CDH2: variants seen among roughly 807,000 people sequenced by gnomAD.
CDH2 encodes the protein cadherin 2.
A neutral mutation model predicts 92.0 loss-of-function variants in CDH2; 17 were observed. The observed-to-expected ratio is 0.18, with a 90% CI of 0.13 to 0.28. The LOEUF is 0.28. CDH2 is among the 10% of genes least tolerant of loss of function. The pLI, the probability that CDH2 is intolerant of heterozygous loss-of-function variation, is 1.00. For missense variants in CDH2, 862 were observed against 1,133.1 expected, an observed-to-expected ratio of 0.76 and a Z score of 3.44; for synonymous variants, 419 against 415.9, an observed-to-expected ratio of 1.01 and a Z score of -0.09.
intron 2 of CDH2, among the ~76,000 whole-genome samples, chr18:28,085,129 G>A (rs1417103391): frequency 6.6e-6 from 1 of 152,104 alleles, no homozygotes. Flanking sequence ...TTCCTCTAGA[G>A]AGACAGATTA....
chr18:28,081,667 A>G (rs894836147), intron 2 of CDH2, among the ~76,000 whole-genome samples: 14 of 152,232 alleles, frequency 9.2e-5, no homozygotes, highest in African/African-American at 3.1e-4. Context: ...TGGATAAAAT[A>G]CCATCTGGCT....
chr18:28,125,618 G>A (rs999117297), intron 2 of CDH2, among the ~76,000 whole-genome samples: 1 of 151,974 alleles, frequency 6.6e-6, no homozygotes, highest in Non-Finnish European at 1.5e-5. Context: ...GCTTCATTTT[G>A]AAAAAATTGG....
intron 7 of CDH2, among the ~76,000 whole-genome samples, chr18:27,994,263 A>G (rs1421750956): frequency 2.0e-5 from 3 of 152,230 alleles, no homozygotes; most frequent in South Asian, 4.1e-4. Context: ...AACAGGGCAT[A>G]TATTTGATAA....
chr18:27,968,842 A>T (rs758790491), intron 14 of CDH2, among the ~76,000 whole-genome samples: 9 of 152,238 alleles, frequency 5.9e-5, no homozygotes, highest in Non-Finnish European at 1.0e-4. Flanking sequence ...GAAGGAAAAA[A>T]AATATCTGGA....
intron 2 of CDH2, among the ~76,000 whole-genome samples, chr18:28,037,272 T>C (rs1324804614): frequency 6.6e-6 from 1 of 152,194 alleles, no homozygotes; most frequent in African/African-American, 2.4e-5. Flanking sequence ...ATTTTGCTAA[T>C]GGGTAGATAC....
chr18:27,993,673 T>G, intron 7 of CDH2, 36 bp from the exon 8 acceptor site: 1 of 1,489,918 alleles, frequency 6.7e-7, no homozygotes, highest in Non-Finnish European at 9.3e-7. Context: ...TAAATGAAAC[T>G]AATTCCTCAA....
At chr18:28,021,952 C>T (rs117259435) in intron 2 of CDH2, among the ~76,000 whole-genome samples, 4 of 151,844 alleles carry the variant, frequency 2.6e-5, no homozygotes, top group Non-Finnish European at 4.4e-5. Context: ...ACAAAAGTTT[C>T]TTTTCCACAG....
chr18:28,068,731 G>T (rs891050593), intron 2 of CDH2, among the ~76,000 whole-genome samples: 1 of 152,120 alleles, frequency 6.6e-6, no homozygotes, highest in African/African-American at 2.4e-5. Context: ...TTTTAAGAAG[G>T]TTGACATGAA....
intron 2 of CDH2, among the ~76,000 whole-genome samples, chr18:28,137,654 T>C (rs1172628613): frequency 1.3e-5 from 2 of 152,150 alleles, no homozygotes; most frequent in East Asian, 1.9e-4. Context: ...CTTTGTTCTA[T>C]GTTGTATAAG....
Position 27,952,072 on chromosome 18 carries a change from A to G in CDH2, c.*81T>C. 4 of 1,267,894 alleles carry G rather than the reference A, an allele frequency of 3.2e-6. No homozygotes were observed. The highest frequency in any genetic ancestry group is 4.6e-6 in the Non-Finnish European group (4 of 869,574). The allele number at this position is 1,267,894 out of a possible 1,614,324, so 78.5% of individuals were successfully genotyped here. A position where few individuals can be genotyped will look rare whatever the true frequency, so the allele number is the denominator to read the frequency against. ...CACTGTGCTAGTAGACTACAAAGTT[A>G]AAGCCTAGCTTCTGAATGCTTTTTG... On this transcript the variant is annotated 3_prime_UTR_variant, in exon 16 of 16. Transcript: ENST00000269141.
chr18:27,986,403 A>T (rs1036048754), intron 11 of CDH2, among the ~76,000 whole-genome samples: 2 of 152,056 alleles, frequency 1.3e-5, no homozygotes, highest in Admixed American at 1.3e-4. Context: ...GAGTCTGTAA[A>T]CTGCTCATGG....
intron 2 of CDH2, among the ~76,000 whole-genome samples, chr18:28,040,592 T>C (rs1452851992): frequency 6.6e-6 from 1 of 152,180 alleles, no homozygotes; most frequent in Non-Finnish European, 1.5e-5. Flanking sequence ...AAATGGCAAC[T>C]GCTGGAAAAA....
At chr18:28,109,692 T>C (rs1407275804) in intron 2 of CDH2, among the ~76,000 whole-genome samples, 2 of 152,172 alleles carry the variant, frequency 1.3e-5, no homozygotes, top group African/African-American at 4.8e-5. Flanking sequence ...AAATAACTGG[T>C]GTCAAAAATC....
rs969523510 is a variant in CDH2 at position 27,951,396 on chromosome 18, G to C, written c.*757C>G. ...CATAGTCCAAATAATACATACACATGTTCTGAAGTTTCTGCACTTCTCCAT... is the reference window on the plus strand; with the variant it reads ...CATAGTCCAAATAATACATACACATCTTCTGAAGTTTCTGCACTTCTCCAT... On this transcript the variant is annotated 3_prime_UTR_variant, in exon 16 of 16. Transcript: ENST00000269141. 2 of 152,298 alleles carry C rather than the reference G, an allele frequency of 1.3e-5. No individual in the cohort carries two copies. The highest frequency in any genetic ancestry group is 4.8e-5 in the African/African-American group (2 of 41,364). The allele number at this position is 152,298 out of a possible 1,614,324, so 9.4% of individuals were successfully genotyped here. A position where few individuals can be genotyped will look rare whatever the true frequency, so the allele number is the denominator to read the frequency against.
At chr18:28,080,315 C>T (rs867627017) in intron 2 of CDH2, among the ~76,000 whole-genome samples, 2 of 152,126 alleles carry the variant, frequency 1.3e-5, no homozygotes, top group African/African-American at 4.8e-5. Flanking sequence ...TTTTCACTTC[C>T]TATTTAATAA....
intron 1 of CDH2, among the ~76,000 whole-genome samples, chr18:28,162,624 TC>T (rs1310477907): frequency 6.6e-6 from 1 of 152,196 alleles, no homozygotes; most frequent in Non-Finnish European, 1.5e-5. Flanking sequence ...CATTCTAAAG[TC>T]CAAATCCTCC....
At chr18:27,954,656 C>T (rs1909623125) in intron 15 of CDH2, 1 of 152,168 alleles carries the variant, frequency 6.6e-6, no homozygotes, top group African/African-American at 2.4e-5. Flanking sequence ...TTATTATAAG[C>T]AGCAATATTT....
chr18:28,120,824 C>T (rs1346886428), intron 2 of CDH2, among the ~76,000 whole-genome samples: 1 of 152,116 alleles, frequency 6.6e-6, no homozygotes, highest in Non-Finnish European at 1.5e-5. Context: ...ATATCACCCA[C>T]ACTATTAAGT....
chr18:27,986,197 T>A (rs769074382), intron 11 of CDH2, among the ~76,000 whole-genome samples: 3 of 152,184 alleles, frequency 2.0e-5, no homozygotes, highest in Non-Finnish European at 2.9e-5. Flanking sequence ...TTTAACGCTC[T>A]AACACAGCTT....
Sources: gnomAD v4.1 joint callset for allele counts (sites outside exome capture counted in the v4.1 genomes callset) on GRCh38, gnomAD v4.1.1 for gene constraint, MANE v1.5 for transcripts, NCBI Gene and HGNC (gene_info 2026-07-23, HGNC 2026-07-21) for gene names.